RGS12: variants seen among roughly 807,000 people sequenced by gnomAD.
The protein encoded by RGS12 is regulator of G protein signaling 12.
Under a neutral mutation model 120.1 loss-of-function variants are expected in RGS12, and 66 were observed. The ratio of observed to expected loss-of-function variants is 0.55; its 90% CI spans 0.45 to 0.67. RGS12 has a LOEUF of 0.67. Among genes scored for constraint, RGS12 ranks in the 30% least tolerant of loss-of-function variants. RGS12 has a pLI of 0.00. For synonymous variants in RGS12, 827 were observed against 804.7 expected (o/e 1.03, Z -0.47); for missense variants, 1,859 against 1,957.7 (o/e 0.95, Z 0.95).
At chr4:3,383,645 T>A (rs28409520) in intron 3 of RGS12, among the ~76,000 whole-genome samples, 35,237 of 152,080 alleles carry the variant, frequency 0.23, 4,747 homozygotes, top group South Asian at 0.43. Context: ...TTTAAAATAA[T>A]TTTTTCCATA....
At position 3,366,763 on chromosome 4, in the gene RGS12, C is replaced by T. The variant is rs1240253623; in HGVS notation, c.1999-19653C>T. Among the ~76,000 whole-genome samples the T allele has an allele frequency of 6.6e-6, 1 of 152,154 alleles. No homozygotes were observed. The highest frequency in any genetic ancestry group is 2.4e-5 in the African/African-American group (1 of 41,428). On this transcript the variant is annotated intron_variant, in intron 3 of 17. Coordinates refer to ENST00000336727, the MANE Select transcript of RGS12 (RefSeq NM_001394154.1). This position sits in a 1 kb window ranked among gnomAD's most constrained non-coding sequence, Gnocchi z 4.0. ...TAGCAGAGACTGGTGTGGGTGGGCGCAGGAACTGGTGAGAGAGGCCTGGGA... is the reference window on the plus strand; with the variant it reads ...TAGCAGAGACTGGTGTGGGTGGGCGTAGGAACTGGTGAGAGAGGCCTGGGA...
chr4:3,335,835 AT>A (rs1316088622), intron 2 of RGS12, among the ~76,000 whole-genome samples: 2 of 152,080 alleles, frequency 1.3e-5, no homozygotes, highest in African/African-American at 4.8e-5. Flanking sequence ...CATACCTGTA[AT>A]CCCAGCACTT....
At position 3,317,151 on chromosome 4, in the gene RGS12, G is replaced by T. The variant is rs1357073153; in HGVS notation, c.981G>T (p.Gln327His). 6.2e-7 allele frequency: 1 copy of T among 1,613,894 alleles called. No individual in the cohort carries two copies. Among genetic ancestry groups the T allele is most frequent in the African/African-American group, 1.3e-5 (1 of 74,948 alleles). ...MQTNDDGSLA[Q>H]EEEGALRTSC... The stretch of plus-strand genomic sequence containing the variant: ...CGAATGACGACGGGAGCCTGGCCCA[G>T]GAGGAGGAGGGCGCCCTGCGGACTT... Residue 327 changes from glutamine to histidine, a missense_variant, in exon 2 of 18, where the codon CAG becomes CAT. Physicochemically the swap from Gln to His is conservative, Grantham distance 24. Coordinates refer to ENST00000336727, the MANE Select transcript of RGS12 (RefSeq NM_001394154.1).
At chr4:3,347,685 G>C (rs1465687263) in intron 3 of RGS12, among the ~76,000 whole-genome samples, 1 of 152,170 alleles carries the variant, frequency 6.6e-6, no homozygotes, top group Non-Finnish European at 1.5e-5. Context: ...CTGTATTTAA[G>C]AGTGCTTCTT....
intron 5 of RGS12, 124 bp downstream of exon 5, chr4:3,414,365 GGTCT>G: frequency 8.9e-7 from 1 of 1,125,830 alleles, no homozygotes; most frequent in East Asian, 2.6e-5. Context: ...CCGTGGCAGG[GGTCT>G]CCCCTCCCTG....
chr4:3,371,678 C>T (rs1228842341), intron 3 of RGS12, among the ~76,000 whole-genome samples: 1 of 152,124 alleles, frequency 6.6e-6, no homozygotes, highest in Non-Finnish European at 1.5e-5. Context: ...GGTGGGTGGG[C>T]GTCTCTGCTG....
chr4:3,383,857 T>G (rs1356599256), intron 3 of RGS12, among the ~76,000 whole-genome samples: 2 of 152,098 alleles, frequency 1.3e-5, no homozygotes, highest in Non-Finnish European at 2.9e-5. Flanking sequence ...CTGGCCACCT[T>G]CTCCTTCAGT....
At chr4:3,356,558 G>C (rs1300218880) in intron 3 of RGS12, among the ~76,000 whole-genome samples, 1 of 138,858 alleles carries the variant, frequency 7.2e-6, no homozygotes, top group African/African-American at 2.7e-5. Flanking sequence ...ACCCCTGGCA[G>C]CCACCATTCT....
chr4:3,426,434 C>T (rs1025543030), intron 14 of RGS12, among the ~76,000 whole-genome samples: 29 of 151,956 alleles, frequency 1.9e-4, no homozygotes, highest in Non-Finnish European at 3.1e-4. Flanking sequence ...CCTGATCTGG[C>T]GCCCTTCCCT....
chr4:3,430,704 C>A lies in RGS12; in HGVS notation c.3863C>A (p.Thr1288Asn), dbSNP rs750287945. Residue 1288 changes from threonine (T) to asparagine (N), a missense_variant, in exon 17 of 18, where the codon ACC becomes AAC. Physicochemically the swap from Thr to Asn is moderately conservative, Grantham distance 65 (BLOSUM62 0). Coordinates refer to ENST00000336727, the MANE Select transcript of RGS12 (RefSeq NM_001394154.1). ...AGCCCCCCTGGACCTCCTGGGACGA[C>A]CCCCCCCGGGCAGAAGTCTCCCAGC... ...ASSPPGPPGT[T>N]PPGQKSPSGP... is the part of the protein sequence containing the mutation. 1.9e-6 allele frequency: 3 copies of A among 1,558,148 alleles called. No homozygotes were observed. Among genetic ancestry groups the A allele is most frequent in the South Asian group, 2.4e-5 (2 of 82,956 alleles).
At chr4:3,363,933 C>G (rs74777291) in intron 3 of RGS12, among the ~76,000 whole-genome samples, 11 of 152,096 alleles carry the variant, frequency 7.2e-5, no homozygotes, top group South Asian at 2.1e-4. Context: ...GGGGAGGGCA[C>G]AGGCCCCCCA....
In RGS12 at chr4:3,389,141, G is replaced by A. The variant is rs962044432; in HGVS notation, c.2020+2704G>A. On this transcript the variant is annotated intron_variant, in intron 4 of 17. Coordinates refer to ENST00000336727, the MANE Select transcript of RGS12 (RefSeq NM_001394154.1). The surrounding 1 kb of genome is among the most constrained non-coding windows in gnomAD (Gnocchi z 5.2). ...CTGGAGAGTTTTAGTTTTGTGGCTC[G>A]GTTTTAAGGAAGTTGGACTATGCTA... Among the ~76,000 whole-genome samples the A allele has an allele frequency of 2.0e-5, 3 of 152,134 alleles. No individual in the cohort carries two copies. Among genetic ancestry groups the A allele is most frequent in the African/African-American group, 7.2e-5 (3 of 41,426 alleles).
Position 3,428,654 on chromosome 4 carries a change from T to A in RGS12, c.3508T>A (p.Ser1170Thr), listed in dbSNP as rs1723927343. The A allele has an allele frequency of 2.5e-6, 4 of 1,602,592 alleles. No individual in the cohort carries two copies. Among genetic ancestry groups the A allele is most frequent in the South Asian group, 1.1e-5 (1 of 88,032 alleles). ...TCCCCGGCTTTCAAAGAGAGAAGAA[T>A]CTATTGCAAAGATTGGGAAAAAAAA... The part of the protein sequence containing the change: ...RDPRLSKREE[S>T]IAKIGKKKYQ... Residue 1170 changes from serine to threonine, a missense_variant, in exon 16 of 18, where the codon TCT becomes ACT. Ser to Thr is a moderately conservative substitution (Grantham distance 58, BLOSUM62 1). Transcript: ENST00000336727.
chr4:3,352,007 T>A (rs1177901539), intron 3 of RGS12, among the ~76,000 whole-genome samples: 3 of 152,096 alleles, frequency 2.0e-5, no homozygotes, highest in African/African-American at 7.2e-5. Context: ...AAGAGCCAAA[T>A]CATATACAGA....
chr4:3,295,652 C>G (rs1344682739), intron 1 of RGS12, among the ~76,000 whole-genome samples: 2 of 126,452 alleles, frequency 1.6e-5, no homozygotes, highest in African/African-American at 3.0e-5. Context: ...AAGAGCAAAA[C>G]TCTGTCTCAA....
intron 3 of RGS12, among the ~76,000 whole-genome samples, chr4:3,379,302 T>C (rs1718030044): frequency 6.6e-6 from 1 of 152,116 alleles, no homozygotes; most frequent in Non-Finnish European, 1.5e-5. Context: ...GTGGTTGTAG[T>C]TAATAATGCT....
chr4:3,330,149 A>G (rs1303041678), intron 2 of RGS12, among the ~76,000 whole-genome samples: 1 of 152,226 alleles, frequency 6.6e-6, no homozygotes, highest in Non-Finnish European at 1.5e-5. Flanking sequence ...GCTGTTGACC[A>G]TGAAGTATCT....
rs1724769401 is a variant in RGS12, at chr4:3,316,561, A to G, written c.391A>G (p.Ile131Val). Residue 131 changes from isoleucine to valine, a missense_variant, in exon 2 of 18, where the codon ATA (isoleucine) becomes GTA (valine). This residue lies in a region of RGS12 where 967 missense variants were observed against 994.2 expected (regional missense o/e 0.97). Coordinates refer to ENST00000336727, the MANE Select transcript of RGS12 (RefSeq NM_001394154.1). The stretch of plus-strand genomic sequence containing the variant: ...CAAGCTGGATTCTAAAGCACTAGGT[A>G]TAAACAGAGCAGAGCGAGTCGTGGA... The part of the protein sequence containing the change: ...KPKLDSKALG[I>V]NRAERVVEEM... 1 of 1,614,222 alleles carries G rather than the reference A, an allele frequency of 6.2e-7. No homozygotes were observed. Among genetic ancestry groups the G allele is most frequent in the South Asian group, 1.1e-5 (1 of 91,092 alleles).
At chr4:3,291,023 T>C (rs1722992124), upstream of RGS12, among the ~76,000 whole-genome samples, 1 of 152,236 alleles carries the variant, frequency 6.6e-6, no homozygotes, top group Non-Finnish European at 1.5e-5. Context: ...ACCCCCCTGC[T>C]GGGCATGAGT....
Sources: gnomAD v4.1 joint callset for allele counts (sites outside exome capture counted in the v4.1 genomes callset) on GRCh38, gnomAD v4.1.1 for gene constraint, gnomAD v4.1.1 regional missense constraint, Gnocchi (gnomAD v3.1) non-coding constraint, MANE v1.5 for transcripts, NCBI Gene and HGNC (gene_info 2026-07-23, HGNC 2026-07-21) for gene names.